MTOR: variants seen among roughly 807,000 people sequenced by gnomAD.
MTOR encodes the protein mechanistic target of rapamycin kinase.
A neutral mutation model predicts 319.8 loss-of-function variants in MTOR; 70 were observed. The observed-to-expected ratio is 0.22, with a 90% CI of 0.18 to 0.27. MTOR has a LOEUF of 0.27. Among genes scored for constraint, MTOR ranks in the 10% least tolerant of loss-of-function variants. The probability of loss-of-function intolerance (pLI) is 1.00; values close to 1 mark genes in which losing one functional copy is unlikely to be tolerated. For synonymous variants in MTOR, 1,183 were observed against 1,211.4 expected, an observed-to-expected ratio of 0.98 and a Z score of 0.49; for missense variants, 1,890 against 3,274.4, an observed-to-expected ratio of 0.58 and a Z score of 10.32.
chr1:11,257,945 A>T (rs997702681), intron 3 of MTOR, among the ~76,000 whole-genome samples: 2 of 151,950 alleles, frequency 1.3e-5, no homozygotes, highest in African/African-American at 4.8e-5. Context: ...CCCTGTCTCT[A>T]CTGAAAATAC....
chr1:11,142,036 T>G (rs1467161176), intron 34 of MTOR, among the ~76,000 whole-genome samples: 2 of 151,598 alleles, frequency 1.3e-5, no homozygotes, highest in Admixed American at 1.3e-4. Flanking sequence ...TAAAATAAAA[T>G]AATAAAAAAG....
In MTOR at chr1:11,127,257, C is replaced by T; in HGVS notation, c.6217-113G>A. 1 of 1,447,660 alleles carries T rather than the reference C, an allele frequency of 6.9e-7. No homozygotes were observed. The highest frequency in any genetic ancestry group is 9.4e-7 in the Non-Finnish European group (1 of 1,067,612). The allele number at this position is 1,447,660 out of a possible 1,614,324, so 89.7% of individuals were successfully genotyped here. A position where few individuals can be genotyped will look rare whatever the true frequency, so the allele number is the denominator to read the frequency against. ...TCAGGAGCCCGCTGTGGCCTGAAAA[C>T]ACTGGCAGGGGGCTGGAGAAAGCAA... On this transcript the variant is annotated intron_variant, in intron 44 of 57. Coordinates refer to ENST00000361445, the MANE Select transcript of MTOR (RefSeq NM_004958.4). The surrounding 1 kb of genome is among the most constrained non-coding windows in gnomAD (Gnocchi z 5.5).
intron 31 of MTOR, among the ~76,000 whole-genome samples, chr1:11,148,894 T>C (rs1316863123): frequency 6.9e-6 from 1 of 144,374 alleles, no homozygotes; most frequent in African/African-American, 2.5e-5. Context: ...CGAGACTCCA[T>C]GTCAAAAAAA....
Position 11,259,346 on chromosome 1 carries a change from G to A in MTOR, c.64C>T (p.Leu22=). 1 of 1,610,346 alleles carries A rather than the reference G, an allele frequency of 6.2e-7. No individual in the cohort carries two copies. The highest frequency in any genetic ancestry group is 8.5e-7 in the Non-Finnish European group (1 of 1,178,824). ...AATTSSNVSV[L]QQFASGLKSR... is the part of the protein sequence containing the mutation. Reference sequence around the variant, plus strand: ...TTTAGGCCACTGGCAAACTGCTGCAGGACGCTCACATTGCTAGATGTGGTG... The same window carrying A: ...TTTAGGCCACTGGCAAACTGCTGCAAGACGCTCACATTGCTAGATGTGGTG... The change falls in exon 2 of 58, where the codon CTG becomes TTG. Residue 22 remains leucine (L), a synonymous_variant. Transcript: ENST00000361445.
At chr1:11,191,331 A>T (rs559520894) in intron 28 of MTOR, among the ~76,000 whole-genome samples, 2 of 152,304 alleles carry the variant, frequency 1.3e-5, no homozygotes, top group East Asian at 3.9e-4. Flanking sequence ...ACTAAGACGA[A>T]ATGAAGAATA....
intron 28 of MTOR, chr1:11,189,552 G>A: frequency 6.4e-7 from 1 of 1,562,318 alleles, no homozygotes; most frequent in Non-Finnish European, 8.6e-7. Context: ...CCTGAAGGAA[G>A]AGCCTTCCTC....
chr1:11,146,178 C>A (rs1360046865), intron 32 of MTOR, among the ~76,000 whole-genome samples: 1 of 152,222 alleles, frequency 6.6e-6, no homozygotes, highest in Non-Finnish European at 1.5e-5. Flanking sequence ...TTTACCCGGG[C>A]ACCTCATCTA....
chr1:11,151,119 G>C (rs377441638), intron 30 of MTOR, among the ~76,000 whole-genome samples: 1 of 152,154 alleles, frequency 6.6e-6, no homozygotes, highest in African/African-American at 2.4e-5. Context: ...GCTGCTCTGC[G>C]CTCTAAGGTG....
Position 11,212,974 on chromosome 1 carries a change from G to T in MTOR, c.3286-66C>A. 7.8e-7 allele frequency: 1 copy of T among 1,281,632 alleles called. No individual in the cohort carries two copies. Among genetic ancestry groups the T allele is most frequent in the Non-Finnish European group, 1.1e-6 (1 of 881,450 alleles). The allele number at this position is 1,281,632 out of a possible 1,614,324, so 79.4% of individuals were successfully genotyped here. ...CCCAAGTATCTAAGGACACGCAGCG[G>T]GTGGTGGTGTAGACAATTCAAAGTT... is the stretch of plus-strand genomic sequence containing the variant. On this transcript the variant is annotated intron_variant, in intron 21 of 57. Transcript: ENST00000361445. This position sits in a 1 kb window ranked among gnomAD's most constrained non-coding sequence, Gnocchi z 4.1.
Position 11,259,367 on chromosome 1 carries a change from T to C in MTOR, c.43A>G (p.Thr15Ala). The change falls in exon 2 of 58, where the codon ACA becomes GCA. Residue 15 changes from threonine to alanine, a missense_variant. Thr to Ala is a moderately conservative substitution (Grantham distance 58). This residue lies in a region of MTOR where 85 missense variants were observed against 105.8 expected (regional missense o/e 0.80). Coordinates refer to ENST00000361445, the MANE Select transcript of MTOR (RefSeq NM_004958.4). The stretch of plus-strand genomic sequence containing the variant: ...TGCAGGACGCTCACATTGCTAGATG[T>C]GGTGGCAGCGGTGGTGGCGGCGGCA... Reference protein sequence around the residue: ...GPAAATTAATTSSNVSVLQQF... With the variant: ...GPAAATTAATASSNVSVLQQF... 7 of 1,601,648 alleles carry C rather than the reference T, an allele frequency of 4.4e-6. No homozygotes were observed. The highest frequency in any genetic ancestry group is 6.0e-6 in the Non-Finnish European group (7 of 1,175,440).
Position 11,124,686 on chromosome 1 carries a change from A to G in MTOR, c.6527-53T>C, listed in dbSNP as rs920526234. On this transcript the variant is annotated intron_variant, in intron 46 of 57. Coordinates refer to ENST00000361445, the MANE Select transcript of MTOR (RefSeq NM_004958.4). ...GTACATCAGAGGTCCTCAGCTCTTC[A>G]GCTGAGAGCACCACTGCATTCAAGA... 25 of 1,569,712 alleles carry G rather than the reference A, an allele frequency of 1.6e-5. No homozygotes were observed. In the Admixed American group the frequency reaches 4.3e-4, roughly 27 times the overall value.
chr1:11,186,381 C>A (rs1466610696), intron 28 of MTOR, among the ~76,000 whole-genome samples: 1 of 152,158 alleles, frequency 6.6e-6, no homozygotes, highest in African/African-American at 2.4e-5. Flanking sequence ...GGTGCCAGCC[C>A]AAGGCAGTGC....
Position 11,127,676 on chromosome 1 carries a change from T to C in MTOR, c.6164A>G (p.His2055Arg). 1.2e-6 allele frequency: 2 copies of C among 1,614,092 alleles called. No homozygotes were observed. Among genetic ancestry groups the C allele is most frequent in the Non-Finnish European group, 1.7e-6 (2 of 1,180,020 alleles). The change falls in exon 44 of 58, where the codon CAT becomes CGT. Residue 2055 changes from histidine (H) to arginine (R), a missense_variant. This residue lies in a region of MTOR where 249 missense variants were observed against 596.2 expected (regional missense o/e 0.42). Transcript: ENST00000361445. The surrounding 1 kb of genome is among the most constrained non-coding windows in gnomAD (Gnocchi z 5.5). ...CTGGGGGCCCCGTTCCATCATAGCA[T>C]GCAAGGGCTCCAGCACCTCAAACAT... The part of the protein sequence containing the change: ...KGMFEVLEPL[H>R]AMMERGPQTL...
At chr1:11,200,829 C>A (rs1265754022) in intron 26 of MTOR, among the ~76,000 whole-genome samples, 1 of 151,892 alleles carries the variant, frequency 6.6e-6, no homozygotes, top group Non-Finnish European at 1.5e-5. Flanking sequence ...TCCTGGCTAA[C>A]ATGGTGAAAC....
At chr1:11,135,330 T>C (rs1206079110) in intron 36 of MTOR, among the ~76,000 whole-genome samples, 2 of 152,106 alleles carry the variant, frequency 1.3e-5, no homozygotes, top group Non-Finnish European at 2.9e-5. Flanking sequence ...GCTTCAAGGA[T>C]GGAGATAGAA....
chr1:11,124,514 G>A lies in MTOR; in HGVS notation c.6646C>T (p.Leu2216Phe), dbSNP rs762647061. 3.1e-6 allele frequency: 5 copies of A among 1,605,868 alleles called. No individual in the cohort carries two copies. In the African/African-American group the frequency reaches 4.0e-5, roughly 13 times the overall value. The change falls in exon 47 of 58, where the codon CTT (leucine) becomes TTT (phenylalanine). Residue 2216 changes from leucine (L) to phenylalanine (F), a missense_variant. Physicochemically the swap from Leu to Phe is conservative, Grantham distance 22. This residue lies in a region of MTOR where 249 missense variants were observed against 596.2 expected (regional missense o/e 0.42). Transcript: ENST00000361445. ...TCTGAATACCTGAGGTTTTTCCGAAGAGATGTTGGGTCATTGGCCAGAAGG... is the reference window on the plus strand; with the variant it reads ...TCTGAATACCTGAGGTTTTTCCGAAAAGATGTTGGGTCATTGGCCAGAAGG... ...NTLLANDPTS[L>F]RKNLSIQRYA...
intron 56 of MTOR, among the ~76,000 whole-genome samples, chr1:11,108,726 A>AAG (rs1557734392): frequency 6.6e-6 from 1 of 151,026 alleles, no homozygotes; most frequent in Admixed American, 6.7e-5. Context: ...AAAAAAAAAA[A>AAG]AAAAGAAAAG....
At chr1:11,146,645 C>G in intron 32 of MTOR, 31 bp downstream of exon 32, 1 of 1,561,398 alleles carries the variant, frequency 6.4e-7, no homozygotes, top group Non-Finnish European at 8.8e-7. Flanking sequence ...CTTTTCCTCA[C>G]TGAGAGATCT....
intron 16 of MTOR, among the ~76,000 whole-genome samples, 175 bp downstream of exon 16, chr1:11,232,261 A>C (rs1187964116): frequency 6.6e-6 from 1 of 152,226 alleles, no homozygotes; most frequent in Admixed American, 6.5e-5. Context: ...GACAACAGGT[A>C]ATTCTGGTTT....
Sources: allele counts gnomAD v4.1 joint callset (sites outside exome capture counted in the v4.1 genomes callset), GRCh38; gene constraint gnomAD v4.1.1; regional missense constraint gnomAD v4.1.1; non-coding constraint Gnocchi (gnomAD v3.1); transcripts MANE v1.5; gene names NCBI Gene and HGNC (gene_info 2026-07-23, HGNC 2026-07-21).